KCNQ3: variants seen among roughly 807,000 people sequenced by gnomAD.
KCNQ3 encodes potassium voltage-gated channel subfamily KQT member 3.
A neutral mutation model predicts 92.5 loss-of-function variants in KCNQ3; 30 were observed. That is an observed-to-expected ratio of 0.32 (90% CI 0.24 to 0.44). KCNQ3 has a LOEUF of 0.44. KCNQ3 is among the 20% of genes least tolerant of loss of function. The pLI is 1.00. For synonymous variants in KCNQ3, 450 were observed against 468.8 expected (o/e 0.96, Z 0.52); for missense variants, 913 against 1,140.3 (o/e 0.80, Z 2.87).
intron 1 of KCNQ3, among the ~76,000 whole-genome samples, chr8:132,376,233 G>C (rs1819604265): frequency 6.6e-6 from 1 of 152,072 alleles, no homozygotes; most frequent in Admixed American, 6.6e-5. Context: ...AATGTCTTAA[G>C]TTGATGTGTA....
chr8:132,216,565 G>A (rs535750211), intron 1 of KCNQ3, among the ~76,000 whole-genome samples: 5 of 152,292 alleles, frequency 3.3e-5, no homozygotes, highest in African/African-American at 9.6e-5. Context: ...CCCAAAGACA[G>A]AGAACTTCAA....
intron 1 of KCNQ3, among the ~76,000 whole-genome samples, chr8:132,360,442 T>C (rs1819134063): frequency 6.6e-6 from 1 of 152,198 alleles, no homozygotes; most frequent in Non-Finnish European, 1.5e-5. Flanking sequence ...GGGCCGAGGC[T>C]TCATTTTCTC....
intron 1 of KCNQ3, among the ~76,000 whole-genome samples, chr8:132,246,436 T>C (rs534846318): frequency 2.6e-5 from 4 of 152,310 alleles, no homozygotes; most frequent in Non-Finnish European, 5.9e-5. Context: ...CTTCAGGGTA[T>C]TGCTGGAGTT....
At chr8:132,458,874 A>G (rs746529131) in intron 1 of KCNQ3, among the ~76,000 whole-genome samples, 2 of 152,244 alleles carry the variant, frequency 1.3e-5, no homozygotes, top group Non-Finnish European at 2.9e-5. Flanking sequence ...GTTACAACTA[A>G]TAAATCAATC....
intron 1 of KCNQ3, among the ~76,000 whole-genome samples, chr8:132,387,048 A>C (rs909220702): frequency 6.6e-6 from 1 of 152,202 alleles, no homozygotes; most frequent in Non-Finnish European, 1.5e-5. Context: ...CAAAATACAT[A>C]CAATTATTAT....
At position 132,137,867 on chromosome 8, in the gene KCNQ3, C is replaced by T. The variant is rs778122252; in HGVS notation, c.1700+18G>A. ...GGCTTTGAGGGGAGCGCAGTCCCTC[C>T]AGATGTGACTGTCTCACCTCGTCTG... On this transcript the variant is annotated intron_variant, in intron 12 of 14. Transcript: ENST00000388996. The T allele has an allele frequency of 6.2e-7, 1 of 1,613,808 alleles. No individual in the cohort carries two copies. The highest frequency in any genetic ancestry group is 1.1e-5 in the South Asian group (1 of 91,076).
At chr8:132,197,659 A>G (rs971394481) in intron 1 of KCNQ3, among the ~76,000 whole-genome samples, 13 of 152,144 alleles carry the variant, frequency 8.5e-5, no homozygotes, top group African/African-American at 3.1e-4. Flanking sequence ...CCTGGATGCT[A>G]AGGTCAATCT....
At chr8:132,165,642 T>C (rs1057302646) in intron 8 of KCNQ3, among the ~76,000 whole-genome samples, 1 of 152,184 alleles carries the variant, frequency 6.6e-6, no homozygotes, top group East Asian at 1.9e-4. Flanking sequence ...GGTCTTATTA[T>C]CCAAACAACC....
rs1824465823 is a variant in KCNQ3 at position 132,121,430 on chromosome 8, C to T, written c.*7832G>A. The T allele has an allele frequency of 6.6e-6, 1 of 152,218 alleles. No homozygotes were observed. Among genetic ancestry groups the T allele is most frequent in the African/African-American group, 2.4e-5 (1 of 41,446 alleles). The allele number at this position is 152,218 out of a possible 1,614,324, so 9.4% of individuals were successfully genotyped here. A position where few individuals can be genotyped will look rare whatever the true frequency, so the allele number is the denominator to read the frequency against. ...AGAGCCGACTTCACCTCTCCAACAGCAAATCTCTGATCCTTGGCAAAATGG... is the reference window on the plus strand; with the variant it reads ...AGAGCCGACTTCACCTCTCCAACAGTAAATCTCTGATCCTTGGCAAAATGG... On this transcript the variant is annotated 3_prime_UTR_variant, in exon 15 of 15. Transcript: ENST00000388996.
Position 132,170,675 on chromosome 8 carries a change from T to C in KCNQ3, c.1141-247A>G, listed in dbSNP as rs180850753. On this transcript the variant is annotated intron_variant, in intron 7 of 14. Coordinates refer to ENST00000388996, the MANE Select transcript of KCNQ3 (RefSeq NM_004519.4). ...GGGGGAATGGAGAGATGAACTGGAGTGGAGGGAGAGAAGAGAGTAGTAGGC... is the reference window on the plus strand; with the variant it reads ...GGGGGAATGGAGAGATGAACTGGAGCGGAGGGAGAGAAGAGAGTAGTAGGC... Among the ~76,000 whole-genome samples, 26 of 150,476 alleles carry C rather than the reference T, an allele frequency of 1.7e-4. 1 individual carries two copies. In the East Asian group the frequency reaches 4.1e-3, roughly 24 times the overall value.
chr8:132,268,631 C>T (rs1274723784), intron 1 of KCNQ3, among the ~76,000 whole-genome samples: 1 of 152,226 alleles, frequency 6.6e-6, no homozygotes, highest in Non-Finnish European at 1.5e-5. Context: ...CACTCATCTA[C>T]TGAAGAACAT....
intron 7 of KCNQ3, among the ~76,000 whole-genome samples, chr8:132,171,831 A>G (rs997422448): frequency 4.6e-5 from 7 of 152,082 alleles, no homozygotes; most frequent in Non-Finnish European, 7.4e-5. Context: ...CCCAGGTCCA[A>G]GCCAAATTCT....
At chr8:132,224,995 A>G (rs1281709746) in intron 1 of KCNQ3, among the ~76,000 whole-genome samples, 1 of 152,210 alleles carries the variant, frequency 6.6e-6, no homozygotes. Flanking sequence ...CCCTGTGCTT[A>G]CAATTGACAG....
chr8:132,228,759 GAAAA>G (rs34561294), intron 1 of KCNQ3, among the ~76,000 whole-genome samples: 1,682 of 118,294 alleles, frequency 0.014, 18 homozygotes, highest in South Asian at 0.061. Context: ...GCTGACTCTT[GAAAA>G]AAAAAAAAAA....
intron 8 of KCNQ3, among the ~76,000 whole-genome samples, chr8:132,166,313 C>A (rs1435966617): frequency 6.6e-6 from 1 of 152,188 alleles, no homozygotes; most frequent in Non-Finnish European, 1.5e-5. Flanking sequence ...TCCACTCTCC[C>A]TACCAGGAAT....
At chr8:132,425,727 A>C (rs1821092079) in intron 1 of KCNQ3, among the ~76,000 whole-genome samples, 3 of 152,236 alleles carry the variant, frequency 2.0e-5, no homozygotes, top group Admixed American at 2.0e-4. Flanking sequence ...ATCCTCCGGC[A>C]GCATGAATAT....
chr8:132,318,283 T>C (rs1001516799), intron 1 of KCNQ3, among the ~76,000 whole-genome samples: 1 of 152,202 alleles, frequency 6.6e-6, no homozygotes, highest in African/African-American at 2.4e-5. Flanking sequence ...GTACAGGTTG[T>C]GCCTAAACAA....
intron 1 of KCNQ3, among the ~76,000 whole-genome samples, chr8:132,195,172 T>A (rs2130236096): frequency 6.6e-6 from 1 of 152,362 alleles, no homozygotes; most frequent in African/African-American, 2.4e-5. Flanking sequence ...TCTCCAAATA[T>A]GCCGTGTGCT....
intron 1 of KCNQ3, among the ~76,000 whole-genome samples, chr8:132,348,055 AG>A (rs1435270427): frequency 1.3e-5 from 2 of 151,340 alleles, no homozygotes; most frequent in Non-Finnish European, 2.9e-5. Flanking sequence ...GCTCCAAGGC[AG>A]GGAAGAGTTG....
Sources: gnomAD v4.1 joint callset for allele counts (sites outside exome capture counted in the v4.1 genomes callset) on GRCh38, gnomAD v4.1.1 for gene constraint, MANE v1.5 for transcripts, NCBI Gene and HGNC (gene_info 2026-07-23, HGNC 2026-07-21) for gene names.